Variants in PAX5 observed in about 807,000 individuals in gnomAD.
PAX5 encodes the protein paired box protein Pax-5.
In PAX5, 9 loss-of-function variants were observed where a neutral mutation model predicts 43.7. The ratio of observed to expected loss-of-function variants is 0.21; its 90% CI spans 0.12 to 0.36. The LOEUF is 0.36. Ranked by LOEUF, PAX5 falls within the 10% of genes least tolerant of loss-of-function variation. PAX5 has a pLI of 1.00. For missense variants in PAX5, 383 were observed against 532.7 expected (o/e 0.72, Z 2.77); for synonymous variants, 228 against 214.3 (o/e 1.06, Z -0.56).
At chr9:36,973,143 A>T (rs991185743) in intron 5 of PAX5, among the ~76,000 whole-genome samples, 1 of 94,498 alleles carries the variant, frequency 1.1e-5, no homozygotes, top group Non-Finnish European at 2.5e-5. Context: ...AGAAAAGGAA[A>T]GGAAAGGAAA....
intron 8 of PAX5, among the ~76,000 whole-genome samples, chr9:36,847,433 C>T (rs772823960): frequency 8.5e-5 from 13 of 152,188 alleles, no homozygotes; most frequent in Non-Finnish European, 1.6e-4. Context: ...TCAACCCTAG[C>T]CTGGCCCTCT....
At chr9:36,956,901 A>AT (rs1253726581) in intron 6 of PAX5, among the ~76,000 whole-genome samples, 3 of 152,168 alleles carry the variant, frequency 2.0e-5, no homozygotes, top group Non-Finnish European at 4.4e-5. Context: ...AATCCTTGTG[A>AT]TTATCTCATT....
chr9:36,969,873 T>C (rs928115290), intron 5 of PAX5, among the ~76,000 whole-genome samples: 1 of 152,220 alleles, frequency 6.6e-6, no homozygotes, highest in South Asian at 2.1e-4. Flanking sequence ...CTTTCTTTAC[T>C]AGGGAAATAA....
At chr9:37,017,684 C>G (rs868790444) in intron 2 of PAX5, among the ~76,000 whole-genome samples, 1 of 152,220 alleles carries the variant, frequency 6.6e-6, no homozygotes, top group Non-Finnish European at 1.5e-5. Flanking sequence ...AAGGTCCCCC[C>G]CAGCCTGGCC....
chr9:36,984,433 C>G (rs1285653590), intron 5 of PAX5, among the ~76,000 whole-genome samples: 1 of 48,070 alleles, frequency 2.1e-5, no homozygotes, highest in Non-Finnish European at 4.0e-5. Context: ...TATTGAACCT[C>G]TCTTTTTTTT....
Position 36,833,940 on chromosome 9 carries a change from T to C in PAX5, c.*6620A>G, listed in dbSNP as rs1821457528. 1.3e-5 allele frequency: 3 copies of C among 232,966 alleles called. No individual in the cohort carries two copies. Among genetic ancestry groups the C allele is most frequent in the Non-Finnish European group, 2.5e-5 (3 of 117,958 alleles). 14.4% of individuals were successfully genotyped at this position (232,966 alleles called of 1,614,324 possible). ...CTTTGGCGGATACAGTAGATATGTATTTCTTTGATGCTGAAAGGTCAGTCC... is the reference window on the plus strand; with the variant it reads ...CTTTGGCGGATACAGTAGATATGTACTTCTTTGATGCTGAAAGGTCAGTCC... On this transcript the variant is annotated 3_prime_UTR_variant, in exon 10 of 10. Coordinates refer to ENST00000358127, the MANE Select transcript of PAX5 (RefSeq NM_016734.3).
rs1227160420 is a variant in PAX5, at chr9:36,833,337, A to G, written c.*7223T>C. On this transcript the variant is annotated 3_prime_UTR_variant, in exon 10 of 10. Coordinates refer to ENST00000358127, the MANE Select transcript of PAX5 (RefSeq NM_016734.3). The stretch of plus-strand genomic sequence containing the variant: ...AAATTATGGCAAATATTTACAAATA[A>G]TTATCTCACATAAAGGTTACATAAA... 8.6e-6 allele frequency: 2 copies of G among 232,954 alleles called. No homozygotes were observed. The highest frequency in any genetic ancestry group is 1.7e-5 in the Non-Finnish European group (2 of 117,936). The allele number at this position is 232,954 out of a possible 1,614,324, so 14.4% of individuals were successfully genotyped here.
At chr9:36,950,491 C>A (rs1832904024) in intron 6 of PAX5, among the ~76,000 whole-genome samples, 1 of 152,178 alleles carries the variant, frequency 6.6e-6, no homozygotes, top group Admixed American at 6.5e-5. Context: ...CTCAGTCTTC[C>A]TCCCAAGTGG....
At position 36,924,841 on chromosome 9, in the gene PAX5, G is replaced by GAGAAGGAAGGAGGGAA. The variant is rs370282418; in HGVS notation, c.781-1358_781-1357insTTCCCTCCTTCCTTCT. Among the ~76,000 whole-genome samples, 288 of 136,736 alleles carry GAGAAGGAAGGAGGGAA rather than the reference G, an allele frequency of 2.1e-3. 38 individuals are homozygous for GAGAAGGAAGGAGGGAA. Among genetic ancestry groups the GAGAAGGAAGGAGGGAA allele is most frequent in the Non-Finnish European group, 3.1e-3 (193 of 62,022 alleles). The allele number at this position is 136,736 out of a possible 152,430, so 89.7% of individuals were successfully genotyped here. A position where few individuals can be genotyped will look rare whatever the true frequency, so the allele number is the denominator to read the frequency against. On this transcript the variant is annotated intron_variant, in intron 6 of 9. Coordinates refer to ENST00000358127, the MANE Select transcript of PAX5 (RefSeq NM_016734.3). ...GAAAGAAAGAAGGAAGGGAGAGAAA[G>GAGAAGGAAGGAGGGAA]GGAGGGAGGGAGGAGGGAATTTGCA...
At position 37,028,710 on chromosome 9, in the gene PAX5, C is replaced by T. The variant is rs1292666303; in HGVS notation, c.46+5276G>A. ...GGCTAATAAGGGTCCCTGAAGCGGG[C>T]GGGTGGACAGGCGCATTCTATCTGC... On this transcript the variant is annotated intron_variant, in intron 1 of 9. Transcript: ENST00000358127. Among the ~76,000 whole-genome samples the T allele has an allele frequency of 3.3e-5, 5 of 152,160 alleles. No homozygotes were observed. The East Asian group carries it at 9.6e-4, about 29-fold the overall frequency.
At chr9:36,978,562 C>T (rs528019139) in intron 5 of PAX5, among the ~76,000 whole-genome samples, 2 of 152,142 alleles carry the variant, frequency 1.3e-5, no homozygotes, top group Admixed American at 1.3e-4. Context: ...GATATCTTTG[C>T]ATTACCCCTA....
At chr9:36,985,342 T>C (rs1004483207) in intron 5 of PAX5, among the ~76,000 whole-genome samples, 78 of 152,200 alleles carry the variant, frequency 5.1e-4, no homozygotes, top group African/African-American at 1.7e-3. Context: ...GGATGAAAGG[T>C]TGGTTCTCAG....
chr9:37,031,821 C>A (rs539441340), intron 1 of PAX5, among the ~76,000 whole-genome samples: 18 of 152,252 alleles, frequency 1.2e-4, no homozygotes, highest in African/African-American at 4.3e-4. Flanking sequence ...CCCCATTGGG[C>A]AGATAGGGAA....
intron 6 of PAX5, among the ~76,000 whole-genome samples, chr9:36,926,269 C>T (rs1414743625): frequency 6.6e-6 from 1 of 152,158 alleles, no homozygotes; most frequent in Non-Finnish European, 1.5e-5. Context: ...GTGAAATCAA[C>T]TTGCTGGTCC....
chr9:36,956,566 A>G (rs1833497638), intron 6 of PAX5, among the ~76,000 whole-genome samples: 1 of 152,172 alleles, frequency 6.6e-6, no homozygotes, highest in Non-Finnish European at 1.5e-5. Context: ...CACTATGGCA[A>G]TTTGCCCAGT....
At chr9:37,025,480 T>G (rs1840253220) in intron 1 of PAX5, among the ~76,000 whole-genome samples, 2 of 151,986 alleles carry the variant, frequency 1.3e-5, no homozygotes, top group Admixed American at 1.3e-4. Context: ...CGGGAGCAAC[T>G]CCCTGACCTG....
intron 8 of PAX5, 142 bp downstream of exon 8, chr9:36,881,862 C>T (rs1163501351): frequency 1.5e-6 from 1 of 687,302 alleles, no homozygotes; most frequent in Non-Finnish European, 2.5e-6. Context: ...GGCCCAGCTG[C>T]AGAGAGTGCA....
intron 6 of PAX5, among the ~76,000 whole-genome samples, chr9:36,954,918 C>T (rs965225768): frequency 6.6e-6 from 1 of 152,056 alleles, no homozygotes; most frequent in South Asian, 2.1e-4. Flanking sequence ...CTTTAGCTTT[C>T]TATGCTATGT....
Position 36,979,114 on chromosome 9 carries a change from G to C in PAX5, c.605-12390C>G, listed in dbSNP as rs1213436014. On this transcript the variant is annotated intron_variant, in intron 5 of 9. Coordinates refer to ENST00000358127, the MANE Select transcript of PAX5 (RefSeq NM_016734.3). Reference sequence around the variant, plus strand: ...GATAGTACCATTTCACTGGCTTATTGCTTCTTCATTTCAGAGCTTGACCTG... The same window carrying C: ...GATAGTACCATTTCACTGGCTTATTCCTTCTTCATTTCAGAGCTTGACCTG... 3.9e-5 allele frequency among the ~76,000 whole-genome samples: 6 copies of C among 152,154 alleles called. No individual in the cohort carries two copies. In the South Asian group the frequency reaches 8.3e-4, roughly 21 times the overall value.
Sources: allele counts gnomAD v4.1 joint callset (sites outside exome capture counted in the v4.1 genomes callset), GRCh38; gene constraint gnomAD v4.1.1; transcripts MANE v1.5; gene names NCBI Gene and HGNC (gene_info 2026-07-23, HGNC 2026-07-21).